USP50: variants seen among roughly 807,000 people sequenced by gnomAD.
The protein encoded by USP50 is ubiquitin carboxyl-terminal hydrolase 50.
A neutral mutation model predicts 39.2 loss-of-function variants in USP50; 37 were observed. That is an observed-to-expected ratio of 0.94 (90% CI 0.73 to 1.24). The LOEUF (loss-of-function observed/expected upper bound fraction) is 1.24, where lower values mean the gene tolerates loss of function less well. Ranked by LOEUF, USP50 falls within the 50% of genes most tolerant of loss-of-function variation. The pLI, the probability that USP50 is intolerant of heterozygous loss-of-function variation, is 0.00. For synonymous variants in USP50, 139 were observed against 144.5 expected (o/e 0.96, Z 0.27); for missense variants, 374 against 398.2 (o/e 0.94, Z 0.52).
chr15:50,541,569 A>C (rs1308282229), intron 3 of USP50, among the ~76,000 whole-genome samples: 2 of 152,120 alleles, frequency 1.3e-5, no homozygotes, highest in Non-Finnish European at 2.9e-5. Context: ...TATCAGAATG[A>C]GACATTGCTA....
chr15:50,540,656 C>T lies in USP50; in HGVS notation c.660+393G>A, dbSNP rs143252316. ...TTTACTTATTTGAGACAGAGACTCA[C>T]TCTGTCACCCAGGCTGGGGTGCAGT... On this transcript the variant is annotated intron_variant, in intron 4 of 6. Coordinates refer to ENST00000532404, the MANE Select transcript of USP50 (RefSeq NM_203494.5). 8.7e-3 allele frequency among the ~76,000 whole-genome samples: 1,329 copies of T among 152,264 alleles called. 28 individuals carry two copies. Among genetic ancestry groups the T allele is most frequent in the African/African-American group, 0.031 (1,282 of 41,546 alleles).
chr15:50,543,755 A>T lies in USP50; in HGVS notation c.287T>A (p.Met96Lys), dbSNP rs750219062. 1.3e-5 allele frequency: 21 copies of T among 1,610,198 alleles called. No homozygotes were observed. The highest frequency in any genetic ancestry group is 1.8e-5 in the Non-Finnish European group (21 of 1,178,034). Residue 96 changes from methionine (M) to lysine (K), a missense_variant, in exon 3 of 7, where the codon ATG becomes AAG. Physicochemically the swap from Met to Lys is moderately conservative, Grantham distance 95. Coordinates refer to ENST00000532404, the MANE Select transcript of USP50 (RefSeq NM_203494.5). ...TGAGTCTCCCAGCCACATGTCTGTC[A>T]TCAGATAGGCAAAAGCAGTGGCAAC... ...SEVATAFAYLMTDMWLGDSDC... is the reference protein window; with the variant it reads ...SEVATAFAYLKTDMWLGDSDC...
chr15:50,517,002 C>T (rs1245565320), intron 6 of USP50, among the ~76,000 whole-genome samples: 2 of 152,086 alleles, frequency 1.3e-5, no homozygotes, highest in African/African-American at 4.8e-5. Context: ...CAACAATGAA[C>T]ACATTATCCA....
downstream of USP50, chr15:50,495,708 A>T: frequency 1.6e-6 from 1 of 619,070 alleles, no homozygotes; most frequent in Non-Finnish European, 2.7e-6. Context: ...ATTTTTTGCC[A>T]CACTCAGTGA....
intron 6 of USP50, among the ~76,000 whole-genome samples, chr15:50,519,444 G>A (rs2052830115): frequency 6.6e-6 from 1 of 151,972 alleles, no homozygotes; most frequent in Non-Finnish European, 1.5e-5. Context: ...GCCGGGTGCG[G>A]TGGCTCACGC....
intron 6 of USP50, among the ~76,000 whole-genome samples, chr15:50,520,018 G>A (rs541913385): frequency 6.6e-5 from 10 of 152,134 alleles, no homozygotes; most frequent in African/African-American, 2.2e-4. Context: ...TCCAAGATAC[G>A]AGCTGGCCAT....
At chr15:50,538,036 G>A (rs28749239) in intron 5 of USP50, among the ~76,000 whole-genome samples, 9,721 of 151,322 alleles carry the variant, frequency 0.064, 450 homozygotes, top group African/African-American at 0.13. Flanking sequence ...CAAAACTTTG[G>A]GAGACCGAGG....
chr15:50,528,802 TAC>T (rs1172288043), intron 6 of USP50, among the ~76,000 whole-genome samples: 1 of 152,212 alleles, frequency 6.6e-6, no homozygotes, highest in Non-Finnish European at 1.5e-5. Context: ...CATCTTAGAA[TAC>T]ATTAATTCAA....
At chr15:50,495,013 T>C (rs562260289) in intron 1 of USP50, among the ~76,000 whole-genome samples, 5 of 147,994 alleles carry the variant, frequency 3.4e-5, no homozygotes, top group African/African-American at 1.2e-4. Flanking sequence ...AGTGAGACTC[T>C]TTCTAAAAAA....
rs1383749691 is a variant in USP50, at chr15:50,546,635, T to TA, written c.-111dup. 8.5e-7 allele frequency: 1 copy of TA among 1,176,722 alleles called. No homozygotes were observed. Among genetic ancestry groups the TA allele is most frequent in the African/African-American group, 1.5e-5 (1 of 66,392 alleles). The allele number at this position is 1,176,722 out of a possible 1,614,324, so 72.9% of individuals were successfully genotyped here. On this transcript the variant is annotated 5_prime_UTR_variant, in exon 1 of 7. Coordinates refer to ENST00000532404, the MANE Select transcript of USP50 (RefSeq NM_203494.5). ...CTGGCTTTTTGTTTTAAACAATTGA[T>TA]ATGCTCCTCTCTCTTCCAGTAGCTG...
At chr15:50,526,287 T>C (rs2052898119) in intron 6 of USP50, among the ~76,000 whole-genome samples, 1 of 152,134 alleles carries the variant, frequency 6.6e-6, no homozygotes, top group African/African-American at 2.4e-5. Context: ...CTCCAACTCT[T>C]GAGCTCAAGC....
intron 6 of USP50, chr15:50,514,042 A>C (rs933502972): frequency 1.8e-4 from 27 of 152,262 alleles, no homozygotes; most frequent in African/African-American, 6.5e-4. Flanking sequence ...ATGAATTACT[A>C]AATTGTAGTA....
chr15:50,493,059 G>A (rs1428538525), downstream of USP50: 4 of 872,122 alleles, frequency 4.6e-6, no homozygotes, highest in African/African-American at 5.0e-5. Context: ...TTTTCTCTTA[G>A]TTCTTGACTG....
At chr15:50,525,572 GTATA>G (rs1179704528) in intron 6 of USP50, among the ~76,000 whole-genome samples, 1 of 64,732 alleles carries the variant, frequency 1.5e-5, no homozygotes, top group East Asian at 8.7e-4. Flanking sequence ...ATGTATATAT[GTATA>G]TGTATATATG....
chr15:50,544,570 A>C lies in USP50; in HGVS notation c.248+17T>G, dbSNP rs1362243517. The C allele has an allele frequency of 3.1e-6, 5 of 1,606,728 alleles. No individual in the cohort carries two copies. The highest frequency in any genetic ancestry group is 3.4e-6 in the Non-Finnish European group (4 of 1,175,986). ...TGGGGGTGGGGGCTGGGCTGCAGGG[A>C]ATGCAAATGGTCTTACTTTTGCAGA... On this transcript the variant is annotated intron_variant, in intron 2 of 6. Transcript: ENST00000532404.
intron 6 of USP50, among the ~76,000 whole-genome samples, chr15:50,520,499 T>C (rs1391186758): frequency 1.3e-5 from 2 of 151,916 alleles, no homozygotes; most frequent in Non-Finnish European, 2.9e-5. Flanking sequence ...GGGGTGTCAC[T>C]ATGTTGCTCA....
At chr15:50,527,745 C>T (rs2052909892) in intron 6 of USP50, among the ~76,000 whole-genome samples, 2 of 151,952 alleles carry the variant, frequency 1.3e-5, no homozygotes, top group East Asian at 3.9e-4. Context: ...AGCAATTCTC[C>T]TGCCTCAGCC....
chr15:50,525,709 A>C (rs2052891085), intron 6 of USP50, among the ~76,000 whole-genome samples: 1 of 80,432 alleles, frequency 1.2e-5, no homozygotes, highest in Non-Finnish European at 2.7e-5. Flanking sequence ...ATATATATGT[A>C]TATATGTATA....
chr15:50,540,414 A>C (rs935974946), intron 4 of USP50, among the ~76,000 whole-genome samples: 2 of 152,148 alleles, frequency 1.3e-5, no homozygotes, highest in Non-Finnish European at 2.9e-5. Flanking sequence ...GGGGTAAGGG[A>C]GGGTCATAAA....
Sources: allele counts gnomAD v4.1 joint callset (sites outside exome capture counted in the v4.1 genomes callset), GRCh38; gene constraint gnomAD v4.1.1; transcripts MANE v1.5; gene names NCBI Gene and HGNC (gene_info 2026-07-23, HGNC 2026-07-21).